Variants in XIRP2 observed in about 807,000 individuals in gnomAD.
XIRP2 encodes the protein xin actin binding repeat containing 2.
A neutral mutation model predicts 277.0 loss-of-function variants in XIRP2; 236 were observed. That is an observed-to-expected ratio of 0.85 (90% CI 0.77 to 0.95). The LOEUF (loss-of-function observed/expected upper bound fraction) is 0.95. Ranked by LOEUF, XIRP2 falls within the 40% of genes least tolerant of loss-of-function variation. The pLI, the probability that XIRP2 is intolerant of heterozygous loss-of-function variation, is 0.00. For missense variants in XIRP2, 4,640 were observed against 4,157.5 expected (o/e 1.12, Z -3.19); for synonymous variants, 1,490 against 1,416.5 (o/e 1.05, Z -1.17).
intron 2 of XIRP2, among the ~76,000 whole-genome samples, chr2:166,934,126 G>A (rs1685425326): frequency 7.2e-6 from 1 of 138,790 alleles, no homozygotes. Context: ...TGGTAAAAGT[G>A]AATGACATCA....
intron 5 of XIRP2, among the ~76,000 whole-genome samples, chr2:167,234,406 A>T (rs1015863678): frequency 2.7e-5 from 4 of 148,958 alleles, no homozygotes; most frequent in African/African-American, 9.8e-5. Flanking sequence ...ATATATATAT[A>T]TTTACATATA....
chr2:166,939,568 T>A (rs535064394), intron 2 of XIRP2, among the ~76,000 whole-genome samples: 99 of 150,224 alleles, frequency 6.6e-4, no homozygotes, highest in Non-Finnish European at 1.3e-3. Context: ...TAGTCCCAGC[T>A]ACTCGGGAGG....
At chr2:167,108,754 G>A (rs1270274996) in intron 2 of XIRP2, among the ~76,000 whole-genome samples, 1 of 151,432 alleles carries the variant, frequency 6.6e-6, no homozygotes, top group Non-Finnish European at 1.5e-5. Context: ...TCTTTAAAAT[G>A]TACACTCTTT....
chr2:167,063,126 T>C (rs1689213497), intron 2 of XIRP2, among the ~76,000 whole-genome samples: 1 of 151,980 alleles, frequency 6.6e-6, no homozygotes, highest in South Asian at 2.1e-4. Flanking sequence ...TCTTAAACTA[T>C]TATTTTTATT....
At chr2:166,951,582 A>C (rs1198284136) in intron 2 of XIRP2, among the ~76,000 whole-genome samples, 1 of 152,016 alleles carries the variant, frequency 6.6e-6, no homozygotes, top group Non-Finnish European at 1.5e-5. Context: ...CTTCCAAGTT[A>C]GAAAAAAAAG....
At chr2:166,915,063 C>T (rs183522428) in intron 2 of XIRP2, among the ~76,000 whole-genome samples, 6 of 151,360 alleles carry the variant, frequency 4.0e-5, no homozygotes, top group East Asian at 2.0e-4. Context: ...TTTGGGAGGC[C>T]GAGGCAGGTG....
intron 5 of XIRP2, among the ~76,000 whole-genome samples, chr2:167,232,416 C>A (rs940794680): frequency 6.6e-6 from 1 of 151,258 alleles, no homozygotes; most frequent in Admixed American, 6.6e-5. Context: ...TGAGTAACCC[C>A]CTAAATCTAC....
chr2:167,243,168 C>CAG lies in XIRP2; in HGVS notation c.1776_1777insAG (p.Pro594LeufsTer22). The CAG allele has an allele frequency of 1.9e-6, 3 of 1,614,120 alleles. No individual in the cohort carries two copies. The highest frequency in any genetic ancestry group is 2.5e-6 in the Non-Finnish European group (3 of 1,180,006). On this transcript the variant is annotated frameshift_variant, in exon 9 of 11. Transcript: ENST00000409195. LOFTEE classifies it high-confidence loss of function. ...AACCATTGGATTCCATCAACAATGG[C>CAG]TCTCCTGATGAAGGTGATATTTCCA...
In XIRP2 at chr2:166,973,449, C is replaced by T. The variant is rs56283538; in HGVS notation, c.408+69559C>T. ...ATTTCCATGTAGGTGTAACTATTCC[C>T]TTTTCACAGATGAGTGCACTGAAAC... is the stretch of plus-strand genomic sequence containing the variant. On this transcript the variant is annotated intron_variant, in intron 2 of 10. Transcript: ENST00000409195. Among the ~76,000 whole-genome samples, 501 of 152,238 alleles carry T rather than the reference C, an allele frequency of 3.3e-3. 4 individuals are homozygous for T. Among genetic ancestry groups the T allele is most frequent in the African/African-American group, 0.011 (475 of 41,552 alleles).
intron 2 of XIRP2, among the ~76,000 whole-genome samples, chr2:167,013,433 A>G (rs1687736724): frequency 6.6e-6 from 1 of 151,468 alleles, no homozygotes; most frequent in African/African-American, 2.4e-5. Context: ...TCAGCTGCAG[A>G]TTCTGACTCA....
chr2:167,180,052 AAAAC>A lies in XIRP2; in HGVS notation c.563-30674_563-30671del, dbSNP rs140164759. On this transcript the variant is annotated intron_variant, in intron 3 of 10. Transcript: ENST00000409195. ...TCTGTTCAAATCTATGTCCATTACA[AAAAC>A]AAACAAACTTGAAACACCTTTCACT... is the stretch of plus-strand genomic sequence containing the variant. 1.1e-4 allele frequency among the ~76,000 whole-genome samples: 16 copies of A among 152,374 alleles called. No individual in the cohort carries two copies. In the East Asian group the frequency reaches 2.7e-3, roughly 26 times the overall value.
At chr2:167,207,792 G>A (rs1693902586) in intron 3 of XIRP2, among the ~76,000 whole-genome samples, 2 of 152,026 alleles carry the variant, frequency 1.3e-5, no homozygotes, top group Admixed American at 6.6e-5. Context: ...AAATTAAAAT[G>A]TAAATATTTT....
intron 1 of XIRP2, among the ~76,000 whole-genome samples, chr2:166,898,900 T>C (rs1684309951): frequency 6.6e-6 from 1 of 152,172 alleles, no homozygotes; most frequent in Non-Finnish European, 1.5e-5. Flanking sequence ...GAGATTGGCT[T>C]TTTTCACTTA....
intron 2 of XIRP2, among the ~76,000 whole-genome samples, chr2:167,131,950 G>T (rs1239694062): frequency 6.6e-6 from 1 of 151,934 alleles, no homozygotes; most frequent in South Asian, 2.1e-4. Flanking sequence ...ATTTTGTTGT[G>T]CATGCCATAG....
rs188383947 is a variant in XIRP2 at position 166,900,922 on chromosome 2, C to T, written c.-18-2543C>T. 4.6e-5 allele frequency among the ~76,000 whole-genome samples: 7 copies of T among 152,218 alleles called. No homozygotes were observed. The East Asian group carries it at 1.2e-3, about 25-fold the overall frequency. On this transcript the variant is annotated intron_variant, in intron 1 of 10. Transcript: ENST00000409195. The stretch of plus-strand genomic sequence containing the variant: ...CTTCCACTGACATCTAGAGGAGCCC[C>T]GTCACCATCAAGTGGGAACAAAAAT...
In XIRP2 at chr2:167,248,814, C is replaced by T. The variant is rs372388282; in HGVS notation, c.7422C>T (p.His2474=). The T allele has an allele frequency of 2.2e-5, 36 of 1,613,530 alleles. No homozygotes were observed. Among genetic ancestry groups the T allele is most frequent in the Non-Finnish European group, 2.5e-5 (29 of 1,179,800 alleles). ...KKVMVMTSSE[H]TETKQNVISK... is the part of the protein sequence containing the mutation. The stretch of plus-strand genomic sequence containing the variant: ...TAATGGTGATGACCAGCAGTGAACA[C>T]ACGGAGACAAAGCAGAACGTTATTA... The change falls in exon 9 of 11, where the codon CAC becomes CAT. Residue 2474 remains histidine (H), a synonymous_variant. Transcript: ENST00000409195.
At chr2:167,168,837 A>G (rs550845785) in intron 3 of XIRP2, among the ~76,000 whole-genome samples, 148 of 151,942 alleles carry the variant, frequency 9.7e-4, no homozygotes, top group African/African-American at 3.4e-3. Context: ...GATGATCTCG[A>G]TCTCCTGACC....
chr2:167,175,037 G>A (rs896197014), intron 3 of XIRP2, among the ~76,000 whole-genome samples: 8 of 152,108 alleles, frequency 5.3e-5, no homozygotes, highest in Non-Finnish European at 1.2e-4. Context: ...GGATGATGTG[G>A]TGCTGAGAAT....
At chr2:166,928,140 T>G (rs988728045) in intron 2 of XIRP2, among the ~76,000 whole-genome samples, 1 of 152,034 alleles carries the variant, frequency 6.6e-6, no homozygotes, top group Non-Finnish European at 1.5e-5. Context: ...AGCCCTGAGG[T>G]TTGTTGCTGT....
Sources: gnomAD v4.1 joint callset for allele counts (sites outside exome capture counted in the v4.1 genomes callset) on GRCh38, gnomAD v4.1.1 for gene constraint, MANE v1.5 for transcripts, NCBI Gene and HGNC (gene_info 2026-07-23, HGNC 2026-07-21) for gene names.